The following PKHD1 variants were observed in gnomAD, a reference collection of about 807,000 sequenced individuals.
PKHD1 encodes PKHD1 ciliary IPT domain containing fibrocystin/polyductin, also known as fibrocystin.
PKHD1 carries 291 observed loss-of-function variants against 412.0 expected under a neutral mutation model. The ratio of observed to expected loss-of-function variants is 0.71; its 90% confidence interval spans 0.64 to 0.78. The LOEUF is 0.78. Ranked by LOEUF, PKHD1 falls within the 30% of genes least tolerant of loss-of-function variation. The pLI is 0.00. For synonymous variants in PKHD1, 1,777 were observed against 1,821.5 expected, an observed-to-expected ratio of 0.98 and a Z score of 0.62; for missense variants, 4,825 against 4,950.7, an observed-to-expected ratio of 0.97 and a Z score of 0.76.
At chr6:51,881,315 A>G (rs754170124) in intron 46 of PKHD1, among the ~76,000 whole-genome samples, 1 of 152,114 alleles carries the variant, frequency 6.6e-6, no homozygotes, top group Non-Finnish European at 1.5e-5. Flanking sequence ...AAATCAACAT[A>G]TCTATTATCT....
chr6:52,021,498 C>A (rs1303601028), intron 33 of PKHD1, among the ~76,000 whole-genome samples: 2 of 152,184 alleles, frequency 1.3e-5, no homozygotes, highest in African/African-American at 4.8e-5. Context: ...TCTTAGCTTT[C>A]TGTTTATGCT....
intron 60 of PKHD1, among the ~76,000 whole-genome samples, chr6:51,705,627 C>G (rs985434512): frequency 6.6e-6 from 1 of 152,022 alleles, no homozygotes; most frequent in Non-Finnish European, 1.5e-5. Flanking sequence ...AATGTCTCTC[C>G]CATAGGGCCC....
intron 48 of PKHD1, among the ~76,000 whole-genome samples, chr6:51,861,306 G>A (rs902632445): frequency 3.9e-5 from 6 of 152,194 alleles, no homozygotes; most frequent in Non-Finnish European, 8.8e-5. Context: ...AATGAGAGCA[G>A]ATATTAACTC....
intron 60 of PKHD1, among the ~76,000 whole-genome samples, chr6:51,690,271 CAAA>C (rs70977310): frequency 4.5e-4 from 50 of 109,900 alleles, no homozygotes; most frequent in African/African-American, 1.4e-3. Flanking sequence ...GACTCCATCT[CAAA>C]AAAAAAAAAA....
intron 55 of PKHD1, among the ~76,000 whole-genome samples, chr6:51,766,736 A>G (rs1164754807): frequency 1.3e-5 from 2 of 151,550 alleles, no homozygotes; most frequent in African/African-American, 2.4e-5. Flanking sequence ...TTTAGGGTAC[A>G]TGTGCACAGG....
intron 60 of PKHD1, among the ~76,000 whole-genome samples, chr6:51,679,566 AC>A (rs1034192047): frequency 3.9e-5 from 6 of 151,916 alleles, no homozygotes; most frequent in Admixed American, 1.3e-4. Flanking sequence ...AAAACCTTCG[AC>A]TGATATTTTA....
chr6:51,895,938 C>T (rs996424029), intron 43 of PKHD1, among the ~76,000 whole-genome samples: 1 of 152,142 alleles, frequency 6.6e-6, no homozygotes, highest in East Asian at 1.9e-4. Flanking sequence ...TCACTCCCAC[C>T]CGAATACTGC....
chr6:51,957,438 C>T (rs1208997330), intron 36 of PKHD1, among the ~76,000 whole-genome samples: 1 of 151,998 alleles, frequency 6.6e-6, no homozygotes, highest in Non-Finnish European at 1.5e-5. Context: ...ACTTTGTTGC[C>T]ACCAATGAAA....
intron 35 of PKHD1, among the ~76,000 whole-genome samples, chr6:52,009,111 G>A (rs140483864): frequency 4.3e-4 from 66 of 152,276 alleles, no homozygotes; most frequent in African/African-American, 1.4e-3. Flanking sequence ...GGGGGTCAGC[G>A]GCTCTGGAGA....
At chr6:52,031,557 T>C (rs555480771) in intron 29 of PKHD1, among the ~76,000 whole-genome samples, 1 of 152,372 alleles carries the variant, frequency 6.6e-6, no homozygotes, top group Admixed American at 6.5e-5. Context: ...TTTTAACAAG[T>C]GGTTGAGCTG....
At chr6:51,893,390 T>C (rs994134756) in intron 43 of PKHD1, among the ~76,000 whole-genome samples, 1 of 152,196 alleles carries the variant, frequency 6.6e-6, no homozygotes, top group Non-Finnish European at 1.5e-5. Flanking sequence ...TGATCACATA[T>C]AAACACTTTC....
intron 34 of PKHD1, 61 bp downstream of exon 34, chr6:52,017,349 T>G (rs1800695948): frequency 4.2e-6 from 5 of 1,188,790 alleles, no homozygotes; most frequent in Non-Finnish European, 6.3e-6. Flanking sequence ...CTCTGATGGC[T>G]CCATCGGTCC....
chr6:51,994,894 C>T (rs1797537581), intron 35 of PKHD1, among the ~76,000 whole-genome samples: 1 of 152,046 alleles, frequency 6.6e-6, no homozygotes, highest in Non-Finnish European at 1.5e-5. Flanking sequence ...TGAGGTTTTC[C>T]CCAGACGTGC....
At chr6:52,018,568 T>C (rs1800905295) in intron 33 of PKHD1, among the ~76,000 whole-genome samples, 2 of 152,192 alleles carry the variant, frequency 1.3e-5, no homozygotes, top group African/African-American at 2.4e-5. Context: ...TTGCCCAGGC[T>C]TGTGGCACAA....
Position 51,773,830 on chromosome 6 carries a change from A to ATGTAG in PKHD1, c.8555-1042_8555-1041insCTACA, listed in dbSNP as rs533740246. 2.0e-3 allele frequency among the ~76,000 whole-genome samples: 301 copies of ATGTAG among 151,818 alleles called. 2 individuals carry two copies. Among genetic ancestry groups the ATGTAG allele is most frequent in the African/African-American group, 6.7e-3 (279 of 41,520 alleles). On this transcript the variant is annotated intron_variant, in intron 54 of 66. Coordinates refer to ENST00000371117, the MANE Select transcript of PKHD1 (RefSeq NM_138694.4). ...ATCCCAATTAATTAGAACTTAACCA[A>ATGTAG]CTGTTTATATCAACATCCACATTTT... is the stretch of plus-strand genomic sequence containing the variant.
chr6:51,982,995 T>A lies in PKHD1; in HGVS notation c.5752-22969A>T, dbSNP rs1035689286. Among the ~76,000 whole-genome samples the A allele has an allele frequency of 4.6e-5, 7 of 152,070 alleles. 1 individual carries two copies. In the South Asian group the frequency reaches 1.5e-3, roughly 32 times the overall value. ...CACATTCTGAAATCTCAGACATTGC[T>A]TAAGCAGGGCCCAGGAAGCCTTTGC... On this transcript the variant is annotated intron_variant, in intron 35 of 66. Coordinates refer to ENST00000371117, the MANE Select transcript of PKHD1 (RefSeq NM_138694.4).
intron 46 of PKHD1, among the ~76,000 whole-genome samples, chr6:51,881,593 C>T (rs927801652): frequency 6.6e-6 from 1 of 152,126 alleles, no homozygotes; most frequent in Non-Finnish European, 1.5e-5. Flanking sequence ...AATAAATGTC[C>T]TTTGCCAAAG....
chr6:51,686,775 T>C (rs531548774), intron 60 of PKHD1, among the ~76,000 whole-genome samples: 3 of 152,174 alleles, frequency 2.0e-5, no homozygotes, highest in Non-Finnish European at 4.4e-5. Flanking sequence ...TTGAATAAAC[T>C]TAATGCATCC....
chr6:51,793,286 A>C (rs1047644559), intron 52 of PKHD1, among the ~76,000 whole-genome samples: 1 of 152,230 alleles, frequency 6.6e-6, no homozygotes, highest in African/African-American at 2.4e-5. Flanking sequence ...GACTTTAAGA[A>C]TTATTTGAAG....
Sources: allele counts gnomAD v4.1 joint callset (sites outside exome capture counted in the v4.1 genomes callset), GRCh38; gene constraint gnomAD v4.1.1; transcripts MANE v1.5; gene names NCBI Gene and HGNC (gene_info 2026-07-23, HGNC 2026-07-21).